Variants in RGS18 observed in about 807,000 individuals in gnomAD.
The protein encoded by RGS18 is regulator of G protein signaling 18, also known as regulator of G-protein signaling 18.
RGS18 carries 22 observed loss-of-function variants against 27.6 expected under a neutral mutation model. The ratio of observed to expected loss-of-function variants is 0.80; its 90% CI spans 0.57 to 1.14. The LOEUF (loss-of-function observed/expected upper bound fraction) is 1.14, where lower values mean the gene tolerates loss of function less well. Among genes scored for constraint, RGS18 ranks in the 50% most tolerant of loss-of-function variants. RGS18 has a pLI of 0.00. For missense variants in RGS18, 299 were observed against 269.6 expected (o/e 1.11, Z -0.76); for synonymous variants, 89 against 84.6 (o/e 1.05, Z -0.29).
At chr1:192,160,322 A>C in intron 2 of RGS18, 56 bp from the exon 3 acceptor site, 1 of 1,124,410 alleles carries the variant, frequency 8.9e-7, no homozygotes, top group Non-Finnish European at 1.3e-6. Context: ...GTTAGAACAG[A>C]TTCATAAACA....
chr1:192,172,635 G>A (rs773694572), intron 3 of RGS18, among the ~76,000 whole-genome samples: 1 of 151,802 alleles, frequency 6.6e-6, no homozygotes, highest in Non-Finnish European at 1.5e-5. Flanking sequence ...CAGCAGCAGA[G>A]TCAGGTCCTT....
At position 192,171,944 on chromosome 1, in the gene RGS18, A is replaced by G. The variant is rs1362428838; in HGVS notation, c.284-9348A>G. 5.9e-5 allele frequency among the ~76,000 whole-genome samples: 9 copies of G among 152,064 alleles called. No homozygotes were observed. The East Asian group carries it at 1.4e-3, about 23-fold the overall frequency. ...CTTAAAGTTGTGTTAGAAGTCCAGT[A>G]TGGGTTTGATCAAAATAAATCAAGA... is the stretch of plus-strand genomic sequence containing the variant. On this transcript the variant is annotated intron_variant, in intron 3 of 4. Transcript: ENST00000367460.
At chr1:192,160,567 C>A (rs1656052552) in intron 3 of RGS18, 128 bp downstream of exon 3, 1 of 597,894 alleles carries the variant, frequency 1.7e-6, no homozygotes, top group Non-Finnish European at 3.0e-6. Context: ...ATTCAATTTT[C>A]TGATCAACAG....
In RGS18 at chr1:192,184,499, C is replaced by T; in HGVS notation, c.653C>T (p.Ser218Leu). The change falls in exon 5 of 5, where the codon TCA becomes TTA. Residue 218 changes from serine (S) to leucine (L), a missense_variant. Physicochemically the swap from Ser to Leu is moderately radical, Grantham distance 145. Transcript: ENST00000367460. ...RPTNLRRRSR[S>L]FTCNEFQDVQ... ...ACAAATCTTAGGAGACGATCACGCTCATTTACCTGCAATGAATTCCAAGAT... is the reference window on the plus strand; with the variant it reads ...ACAAATCTTAGGAGACGATCACGCTTATTTACCTGCAATGAATTCCAAGAT... 1.2e-6 allele frequency: 2 copies of T among 1,611,494 alleles called. No homozygotes were observed. The highest frequency in any genetic ancestry group is 1.7e-6 in the Non-Finnish European group (2 of 1,178,364).
chr1:192,182,583 A>T (rs1656475864), intron 4 of RGS18, among the ~76,000 whole-genome samples: 1 of 151,530 alleles, frequency 6.6e-6, no homozygotes, highest in African/African-American at 2.4e-5. Context: ...ATGTTGCTGG[A>T]GGGAAGATAA....
intron 3 of RGS18, among the ~76,000 whole-genome samples, chr1:192,172,882 T>TATATATATAAAA (rs1407068832): frequency 2.6e-4 from 27 of 104,890 alleles, no homozygotes; most frequent in African/African-American, 6.5e-4. Context: ...TATATATATA[T>TATATATATAAAA]AAATATATAT....
intron 4 of RGS18, 63 bp from the exon 5 acceptor site, chr1:192,184,234 G>C (rs1052763482): frequency 6.8e-7 from 1 of 1,469,414 alleles, no homozygotes; most frequent in Admixed American, 1.8e-5. Context: ...GTCCTGTGCT[G>C]TTTCTCAAAG....
chr1:192,175,845 T>G (rs575264765), intron 3 of RGS18, among the ~76,000 whole-genome samples: 63 of 152,016 alleles, frequency 4.1e-4, no homozygotes, highest in African/African-American at 1.5e-3. Flanking sequence ...ACAAATCCAC[T>G]ATGATAGAAC....
At chr1:192,159,400 T>C (rs1656031240) in intron 2 of RGS18, 79 bp downstream of exon 2, 5 of 902,918 alleles carry the variant, frequency 5.5e-6, no homozygotes. Context: ...AGTTAGGGAT[T>C]TCTGATTTAT....
chr1:192,162,667 A>T (rs569149491), intron 3 of RGS18, among the ~76,000 whole-genome samples: 2 of 152,196 alleles, frequency 1.3e-5, no homozygotes, highest in East Asian at 3.9e-4. Context: ...TCTTGCTCCG[A>T]TTGTTTTGGT....
intron 3 of RGS18, among the ~76,000 whole-genome samples, chr1:192,164,050 T>C (rs774217779): frequency 9.9e-5 from 15 of 152,054 alleles, no homozygotes; most frequent in Non-Finnish European, 2.1e-4. Flanking sequence ...TTTATTCAAA[T>C]GAGAAATTAA....
Position 192,158,670 on chromosome 1 carries a change from AAAT to A in RGS18, c.35_37del (p.Asn12del). The stretch of plus-strand genomic sequence containing the variant: ...CAACATTGCTTTTCTTTTCTCAAAT[AAAT>A]ATGTGTGAATCAAAAGAAAAAACTT... On this transcript the variant is annotated inframe_deletion, in exon 1 of 5. Transcript: ENST00000367460. The A allele has an allele frequency of 6.3e-7, 1 of 1,577,124 alleles. No homozygotes were observed. Among genetic ancestry groups the A allele is most frequent in the East Asian group, 2.3e-5 (1 of 44,108 alleles).
At chr1:192,182,134 A>C (rs957306752) in intron 4 of RGS18, among the ~76,000 whole-genome samples, 2 of 151,686 alleles carry the variant, frequency 1.3e-5, no homozygotes, top group African/African-American at 4.8e-5. Context: ...GATACTGTGA[A>C]TAATGCTGCA....
At position 192,184,777 on chromosome 1, in the gene RGS18, A is replaced by G. The variant is rs1656517954; in HGVS notation, c.*223A>G. 1 of 436,094 alleles carries G rather than the reference A, an allele frequency of 2.3e-6. No individual in the cohort carries two copies. Among genetic ancestry groups the G allele is most frequent in the African/African-American group, 2.0e-5 (1 of 49,876 alleles). The allele number at this position is 436,094 out of a possible 1,614,324, so 27.0% of individuals were successfully genotyped here. On this transcript the variant is annotated 3_prime_UTR_variant, in exon 5 of 5. Coordinates refer to ENST00000367460, the MANE Select transcript of RGS18 (RefSeq NM_130782.3). ...GATGTCATTCCATTTATAATCAGAA[A>G]AAAAACTTATTTCTTAATCAAAAGG...
At chr1:192,178,852 A>G in intron 3 of RGS18, among the ~76,000 whole-genome samples, 1 of 151,630 alleles carries the variant, frequency 6.6e-6, no homozygotes, top group South Asian at 2.1e-4. Context: ...TCAACATGTA[A>G]AGAAACTTTG....
intron 3 of RGS18, among the ~76,000 whole-genome samples, chr1:192,174,607 GTTTAGGATTGTTAT>G (rs1331693508): frequency 6.6e-6 from 1 of 151,742 alleles, no homozygotes; most frequent in Non-Finnish European, 1.5e-5. Flanking sequence ...GTTCATATAT[GTTTAGGATTGTTAT>G]GTACTAGTAA....
chr1:192,182,569 C>T (rs1656475605), intron 4 of RGS18, among the ~76,000 whole-genome samples: 1 of 151,430 alleles, frequency 6.6e-6, no homozygotes, highest in Admixed American at 6.6e-5. Context: ...CCAGAATGTT[C>T]ATGATGTTGC....
Position 192,181,346 on chromosome 1 carries a change from T to C in RGS18, c.338T>C (p.Ile113Thr), listed in dbSNP as rs758901290. Residue 113 changes from isoleucine to threonine, a missense_variant, in exon 4 of 5, where the codon ATT (isoleucine) becomes ACT (threonine). Ile to Thr is a moderately conservative substitution (Grantham distance 89). Transcript: ENST00000367460. ...AAAACTGAATTCAGTGAAGAAAATA[T>C]TGAATTTTGGATAGCCTGTGAAGAT... is the stretch of plus-strand genomic sequence containing the variant. ...FLKTEFSEEN[I>T]EFWIACEDFK... 4 of 1,583,808 alleles carry C rather than the reference T, an allele frequency of 2.5e-6. No individual in the cohort carries two copies. Among genetic ancestry groups the C allele is most frequent in the Admixed American group, 3.6e-5 (2 of 56,138 alleles).
At chr1:192,173,414 T>TA (rs1228911541) in intron 3 of RGS18, among the ~76,000 whole-genome samples, 3 of 151,954 alleles carry the variant, frequency 2.0e-5, no homozygotes, top group South Asian at 2.1e-4. Context: ...TTGTTTTTTT[T>TA]ATGGGGCAGA....
Sources: allele counts gnomAD v4.1 joint callset (sites outside exome capture counted in the v4.1 genomes callset), GRCh38; gene constraint gnomAD v4.1.1; transcripts MANE v1.5; gene names NCBI Gene and HGNC (gene_info 2026-07-23, HGNC 2026-07-21).